EP400: variants seen among roughly 807,000 people sequenced by gnomAD.
EP400 encodes the protein E1A binding protein p400.
Under a neutral mutation model 354.1 loss-of-function variants are expected in EP400, and 105 were observed. That is an observed-to-expected ratio of 0.30 (90% CI 0.25 to 0.35). The LOEUF (loss-of-function observed/expected upper bound fraction) is 0.35. Ranked by LOEUF, EP400 falls within the 10% of genes least tolerant of loss-of-function variation. EP400 has a pLI of 1.00. For synonymous variants in EP400, 1,646 were observed against 1,716.9 expected (o/e 0.96, Z 1.02); for missense variants, 3,280 against 4,121.0 (o/e 0.80, Z 5.59).
At chr12:131,989,065 A>G (rs990384021) in intron 7 of EP400, among the ~76,000 whole-genome samples, 8 of 152,224 alleles carry the variant, frequency 5.3e-5, no homozygotes, top group African/African-American at 1.9e-4. Context: ...ACCAGGCTGG[A>G]TAGGGCAGGA....
intron 2 of EP400, among the ~76,000 whole-genome samples, chr12:131,962,220 C>T (rs969188036): frequency 1.3e-5 from 2 of 152,170 alleles, no homozygotes; most frequent in African/African-American, 4.8e-5. Context: ...CCAGTGTTTT[C>T]ATTGAGCACC....
chr12:132,011,927 G>C (rs1566186131), intron 16 of EP400, among the ~76,000 whole-genome samples: 1 of 152,194 alleles, frequency 6.6e-6, no homozygotes. Flanking sequence ...CTCTGGGACA[G>C]TGCAACACTT....
intron 45 of EP400, among the ~76,000 whole-genome samples, chr12:132,061,482 A>C (rs2136604963): frequency 6.6e-6 from 1 of 152,338 alleles, no homozygotes; most frequent in African/African-American, 2.4e-5. Flanking sequence ...GGTCAGCTGG[A>C]GGGACACTGC....
At chr12:132,053,730 T>A in intron 43 of EP400, 133 bp downstream of exon 43, 1 of 1,044,238 alleles carries the variant, frequency 9.6e-7, no homozygotes, top group South Asian at 2.1e-5. Context: ...GACCTTCCTC[T>A]GAAGAAATGG....
intron 5 of EP400, among the ~76,000 whole-genome samples, chr12:131,984,204 T>G (rs1593325509): frequency 6.6e-6 from 1 of 152,198 alleles, no homozygotes; most frequent in South Asian, 2.1e-4. Flanking sequence ...GGCCTACAGG[T>G]TCTTTATGTT....
intron 39 of EP400, among the ~76,000 whole-genome samples, chr12:132,048,405 C>A (rs943590222): frequency 6.6e-6 from 1 of 152,200 alleles, no homozygotes; most frequent in Non-Finnish European, 1.5e-5. Flanking sequence ...TGGCTTCGGC[C>A]AGTCCCTCTG....
chr12:131,960,894 C>G lies in EP400; in HGVS notation c.275C>G (p.Ala92Gly), dbSNP rs752633312. The change falls in exon 2 of 53, where the codon GCC (alanine) becomes GGC (glycine). Residue 92 changes from alanine to glycine, a missense_variant. Physicochemically the swap from Ala to Gly is moderately conservative, Grantham distance 60 (BLOSUM62 0). Around this residue, in one of 20 missense-constraint regions of EP400, gnomAD observed 172 missense variants for 242.9 expected, o/e 0.71. Transcript: ENST00000389561. ...GGGGGAAACCAGCAGATCACACTGG[C>G]CCCACTGCCGCTCCCCAGCCCCACC... ...VVGGNQQITLAPLPLPSPTSP... is the reference protein window; with the variant it reads ...VVGGNQQITLGPLPLPSPTSP... 2 of 1,614,024 alleles carry G rather than the reference C, an allele frequency of 1.2e-6. No individual in the cohort carries two copies. Among genetic ancestry groups the G allele is most frequent in the Admixed American group, 1.7e-5 (1 of 60,024 alleles).
chr12:131,988,029 C>G (rs1892911674), intron 7 of EP400, 139 bp downstream of exon 7: 2 of 750,614 alleles, frequency 2.7e-6, no homozygotes, highest in African/African-American at 2.1e-5. Context: ...GGGTCTTGCT[C>G]TGTTGTCCAG....
intron 47 of EP400, among the ~76,000 whole-genome samples, chr12:132,064,088 C>A (rs1479100365): frequency 2.7e-5 from 4 of 149,950 alleles, no homozygotes; most frequent in African/African-American, 9.8e-5. Context: ...CACTGATGAC[C>A]CCCCGGCCTA....
At chr12:131,975,173 G>A (rs1892428724) in intron 2 of EP400, among the ~76,000 whole-genome samples, 2 of 152,276 alleles carry the variant, frequency 1.3e-5, no homozygotes, top group South Asian at 4.1e-4. Context: ...CCTCTGGGAA[G>A]CAGGCTGAGT....
intron 32 of EP400, among the ~76,000 whole-genome samples, chr12:132,039,958 T>G (rs2136570510): frequency 6.6e-6 from 1 of 152,294 alleles, no homozygotes; most frequent in South Asian, 2.1e-4. Flanking sequence ...GAGGATCACT[T>G]AAGCCCAGGA....
chr12:132,046,955 C>T (rs1895118192), intron 39 of EP400, among the ~76,000 whole-genome samples: 1 of 152,214 alleles, frequency 6.6e-6, no homozygotes, highest in South Asian at 2.1e-4. Context: ...GCTGTGGGCA[C>T]ATCTTCTTGC....
intron 2 of EP400, among the ~76,000 whole-genome samples, chr12:131,966,257 G>C (rs1431506818): frequency 6.6e-6 from 1 of 151,960 alleles, no homozygotes; most frequent in African/African-American, 2.4e-5. Flanking sequence ...CAAGGTGGAG[G>C]ATCACTTGAG....
At chr12:132,023,330 A>ATTTTTTTTTT (rs1894188003) in intron 23 of EP400, among the ~76,000 whole-genome samples, 1 of 45,494 alleles carries the variant, frequency 2.2e-5, no homozygotes. Context: ...TTTTTTTTGC[A>ATTTTTTTTTT]TTTCTAGTAG....
intron 12 of EP400, among the ~76,000 whole-genome samples, chr12:131,999,907 G>A (rs1363394771): frequency 6.7e-6 from 1 of 149,830 alleles, no homozygotes; most frequent in African/African-American, 2.5e-5. Context: ...TTGTATGTAT[G>A]TCCCTTCTTT....
chr12:131,982,437 AAGGTGC>A lies in EP400; in HGVS notation c.1898_1903del (p.Val633_Gln634del). The A allele has an allele frequency of 6.2e-7, 1 of 1,613,972 alleles. No individual in the cohort carries two copies. The highest frequency in any genetic ancestry group is 8.5e-7 in the Non-Finnish European group (1 of 1,179,860). ...GGCCCTCCACGTTCCCACACCTGGA[AAGGTGC>A]AGGTGCAGGCCTCTCAGCTTTCCTC... On this transcript the variant is annotated inframe_deletion, in exon 5 of 53. Coordinates refer to ENST00000389561, the MANE Select transcript of EP400 (RefSeq NM_015409.5).
chr12:132,000,968 C>G (rs953997839), intron 12 of EP400, among the ~76,000 whole-genome samples: 1 of 152,180 alleles, frequency 6.6e-6, no homozygotes, highest in African/African-American at 2.4e-5. Flanking sequence ...AGGTCTGATT[C>G]TGCTGTCGTT....
Position 132,041,073 on chromosome 12 carries a change from C to G in EP400, c.6208-2231C>G, listed in dbSNP as rs185769381. Among the ~76,000 whole-genome samples, 390 of 152,264 alleles carry G rather than the reference C, an allele frequency of 2.6e-3. 1 individual carries two copies. The highest frequency in any genetic ancestry group is 3.6e-3 in the Non-Finnish European group (242 of 68,014). On this transcript the variant is annotated intron_variant, in intron 32 of 52. Transcript: ENST00000389561. ...TGGGTGTGTGAGGAGGATGGCTGCT[C>G]CTCACTGGCTTGACCGGCCCCTGGG...
In EP400 at chr12:132,021,258, G is replaced by T; in HGVS notation, c.4627G>T (p.Ala1543Ser). 1 of 1,537,938 alleles carries T rather than the reference G, an allele frequency of 6.5e-7. No homozygotes were observed. Among genetic ancestry groups the T allele is most frequent in the Middle Eastern group, 2.3e-4 (1 of 4,414 alleles). Residue 1543 changes from alanine to serine, a missense_variant, in exon 23 of 53, where the codon GCC (alanine) becomes TCC (serine). Coordinates refer to ENST00000389561, the MANE Select transcript of EP400 (RefSeq NM_015409.5). ...PPQPQAPSHA[A>S]GQSALPQRLV... ...CCAGCCCCAGGCCCCCTCGCACGCG[G>T]CCGGGCAGAGCGCGCTGCCTCAGAG...
Sources: gnomAD v4.1 joint callset for allele counts (sites outside exome capture counted in the v4.1 genomes callset) on GRCh38, gnomAD v4.1.1 for gene constraint, gnomAD v4.1.1 regional missense constraint, MANE v1.5 for transcripts, NCBI Gene and HGNC (gene_info 2026-07-23, HGNC 2026-07-21) for gene names.